CDH18: variants seen among roughly 807,000 people sequenced by gnomAD.
CDH18 encodes cadherin-18.
In CDH18, 31 loss-of-function variants were observed where a neutral mutation model predicts 67.9. The ratio of observed to expected loss-of-function variants is 0.46; its 90% CI spans 0.34 to 0.62. The LOEUF is 0.62. CDH18 is among the 20% of genes least tolerant of loss of function. CDH18 has a pLI of 0.01. For missense variants in CDH18, 890 were observed against 975.5 expected (o/e 0.91, Z 1.17); for synonymous variants, 362 against 347.2 (o/e 1.04, Z -0.48).
At chr5:20,205,188 A>C (rs1024129984) in intron 2 of CDH18, among the ~76,000 whole-genome samples, 1 of 152,006 alleles carries the variant, frequency 6.6e-6, no homozygotes, top group Admixed American at 6.6e-5. Flanking sequence ...GAGTGTTAAA[A>C]CCGATATTAC....
rs896283136 is a variant in CDH18, at chr5:19,772,506, GA to G, written c.229-25271del. On this transcript the variant is annotated intron_variant, in intron 3 of 12. Coordinates refer to ENST00000382275, the MANE Select transcript of CDH18 (RefSeq NM_004934.5). ...GAAGGAATTCAGGCTTCTAAAAGCT[GA>G]AAAAAAACAGAATCTCCTTTAGAGT... 2.6e-5 allele frequency among the ~76,000 whole-genome samples: 4 copies of G among 151,522 alleles called. No individual in the cohort carries two copies. In the South Asian group the frequency reaches 8.4e-4, roughly 32 times the overall value.
In CDH18 at chr5:19,612,431, T is replaced by C. The variant is rs188184405; in HGVS notation, c.811+3A>G. On this transcript the variant is annotated splice_donor_region_variant and intron_variant, in intron 6 of 12. Coordinates refer to ENST00000382275, the MANE Select transcript of CDH18 (RefSeq NM_004934.5). ...ATTCAAATCATGGAAAACAAATACGTACTTTGAGGAAAGCGTGGTGGGTTG... is the reference window on the plus strand; with the variant it reads ...ATTCAAATCATGGAAAACAAATACGCACTTTGAGGAAAGCGTGGTGGGTTG... The C allele has an allele frequency of 7.4e-5, 119 of 1,613,606 alleles. No individual in the cohort carries two copies. In the East Asian group the frequency reaches 2.4e-3, roughly 32 times the overall value.
At chr5:20,429,279 C>T (rs1748558335) in intron 1 of CDH18, among the ~76,000 whole-genome samples, 2 of 152,034 alleles carry the variant, frequency 1.3e-5, no homozygotes, top group African/African-American at 2.4e-5. Flanking sequence ...GAAGGTGAAT[C>T]ACATAAGTTA....
At chr5:20,242,418 A>G (rs1297426932) in intron 2 of CDH18, among the ~76,000 whole-genome samples, 1 of 150,960 alleles carries the variant, frequency 6.6e-6, no homozygotes, top group Non-Finnish European at 1.5e-5. Context: ...TGTACTGTAT[A>G]CTTCTATGAG....
chr5:19,987,263 C>G (rs556713632), intron 1 of CDH18, among the ~76,000 whole-genome samples: 2 of 150,408 alleles, frequency 1.3e-5, no homozygotes, highest in African/African-American at 2.5e-5. Flanking sequence ...AACACACACA[C>G]ACACACACAC....
At chr5:20,199,217 C>T (rs1438767624) in intron 2 of CDH18, among the ~76,000 whole-genome samples, 2 of 152,184 alleles carry the variant, frequency 1.3e-5, no homozygotes, top group African/African-American at 2.4e-5. Flanking sequence ...CCCATAGACA[C>T]TCAATGCCAG....
chr5:19,629,908 G>A (rs1377462458), intron 5 of CDH18, among the ~76,000 whole-genome samples: 3 of 151,948 alleles, frequency 2.0e-5, no homozygotes, highest in African/African-American at 7.2e-5. Flanking sequence ...ATTTAAAAGA[G>A]TAGGAGGACA....
chr5:19,860,780 GA>G (rs546784971), intron 2 of CDH18, among the ~76,000 whole-genome samples: 191 of 151,914 alleles, frequency 1.3e-3, no homozygotes, highest in African/African-American at 4.3e-3. Flanking sequence ...AAGAGATACT[GA>G]AAAAAAGTGA....
At position 19,705,033 on chromosome 5, in the gene CDH18, C is replaced by T. The variant is rs140247391; in HGVS notation, c.643+16314G>A. On this transcript the variant is annotated intron_variant, in intron 5 of 12. Coordinates refer to ENST00000382275, the MANE Select transcript of CDH18 (RefSeq NM_004934.5). ...AGTAAACAACCTGCAGCCTGCTAAG[C>T]GTTTTCACTGGAAAGTGTTGCCACA... Among the ~76,000 whole-genome samples, 788 of 152,294 alleles carry T rather than the reference C, an allele frequency of 5.2e-3. 8 individuals are homozygous for T. Among genetic ancestry groups the T allele is most frequent in the African/African-American group, 0.018 (759 of 41,572 alleles).
At chr5:19,958,126 T>TC (rs1796435789) in intron 2 of CDH18, among the ~76,000 whole-genome samples, 1 of 151,598 alleles carries the variant, frequency 6.6e-6, no homozygotes, top group Non-Finnish European at 1.5e-5. Context: ...TCATTGTTTT[T>TC]CCCCTTCAGC....
chr5:19,732,315 G>A (rs917969673), intron 4 of CDH18, among the ~76,000 whole-genome samples: 3 of 151,906 alleles, frequency 2.0e-5, no homozygotes, highest in Non-Finnish European at 4.4e-5. Flanking sequence ...TTATACAGAT[G>A]TTGTGGCACA....
chr5:19,530,647 T>C (rs1032616204), intron 9 of CDH18, among the ~76,000 whole-genome samples: 3 of 152,014 alleles, frequency 2.0e-5, no homozygotes, highest in South Asian at 4.2e-4. Context: ...TGTGTTCTCA[T>C]TGTTCAATTC....
At chr5:19,799,369 G>C (rs1329441899) in intron 3 of CDH18, among the ~76,000 whole-genome samples, 4 of 151,186 alleles carry the variant, frequency 2.6e-5, no homozygotes, top group Non-Finnish European at 5.9e-5. Flanking sequence ...AGTATCTATA[G>C]TTAACAATAT....
intron 2 of CDH18, among the ~76,000 whole-genome samples, chr5:20,241,744 C>T (rs1405015019): frequency 6.6e-6 from 1 of 150,704 alleles, no homozygotes; most frequent in East Asian, 2.0e-4. Context: ...CCCAGCTACT[C>T]GGGAGGCTGA....
At chr5:20,085,671 C>T (rs184898305) in intron 2 of CDH18, among the ~76,000 whole-genome samples, 49 of 152,234 alleles carry the variant, frequency 3.2e-4, no homozygotes, top group African/African-American at 1.1e-3. Context: ...TGGAAAAAGT[C>T]AAGGAAGAGC....
rs763186671 is a variant in CDH18 at position 20,438,852 on chromosome 5, A to G, written c.-580+136610T>C. Among the ~76,000 whole-genome samples, 7 of 151,550 alleles carry G rather than the reference A, an allele frequency of 4.6e-5. No individual in the cohort carries two copies. The South Asian group carries it at 8.3e-4, about 18-fold the overall frequency. On this transcript the variant is annotated intron_variant, in intron 1 of 14. Transcript: ENST00000507958. The stretch of plus-strand genomic sequence containing the variant: ...CTTTCCTTTAATTATAATTTACTAG[A>G]CCTCCACTATGTTAGGAGATACGAG...
At chr5:19,982,512 A>G (rs551695939) in intron 1 of CDH18, among the ~76,000 whole-genome samples, 2 of 152,282 alleles carry the variant, frequency 1.3e-5, no homozygotes, top group African/African-American at 4.8e-5. Context: ...GATTCAAATT[A>G]TTAAATTAAT....
intron 1 of CDH18, among the ~76,000 whole-genome samples, chr5:20,458,631 A>G (rs903902050): frequency 3.8e-4 from 57 of 149,404 alleles, no homozygotes; most frequent in African/African-American, 1.4e-3. Context: ...AAACAACAAC[A>G]AGAACAACAA....
At chr5:20,104,051 TTATC>T (rs1355796374) in intron 2 of CDH18, among the ~76,000 whole-genome samples, 1 of 150,764 alleles carries the variant, frequency 6.6e-6, no homozygotes, top group South Asian at 2.1e-4. Context: ...CTATAGATGG[TTATC>T]TATTTATAGA....
Sources: gnomAD v4.1 joint callset for allele counts (sites outside exome capture counted in the v4.1 genomes callset) on GRCh38, gnomAD v4.1.1 for gene constraint, MANE v1.5 for transcripts, NCBI Gene and HGNC (gene_info 2026-07-23, HGNC 2026-07-21) for gene names.